Variants in DYNC1I1 observed in about 807,000 individuals in gnomAD.
DYNC1I1 encodes the protein cytoplasmic dynein 1 intermediate chain 1.
In DYNC1I1, 43 loss-of-function variants were observed where a neutral mutation model predicts 86.6. That is an observed-to-expected ratio of 0.50 (90% CI 0.39 to 0.64). The LOEUF (loss-of-function observed/expected upper bound fraction) is 0.64. DYNC1I1 is among the 30% of genes least tolerant of loss of function. The pLI, the probability that DYNC1I1 is intolerant of heterozygous loss-of-function variation, is 0.00. For synonymous variants in DYNC1I1, 262 were observed against 283.7 expected, an observed-to-expected ratio of 0.92 and a Z score of 0.77; for missense variants, 604 against 788.8, an observed-to-expected ratio of 0.77 and a Z score of 2.81.
intron 6 of DYNC1I1, among the ~76,000 whole-genome samples, chr7:95,953,150 C>T (rs959404370): frequency 6.7e-6 from 1 of 149,760 alleles, no homozygotes; most frequent in Admixed American, 6.7e-5. Context: ...ATAAAACAGA[C>T]AAGTGTCCCT....
intron 1 of DYNC1I1, among the ~76,000 whole-genome samples, chr7:95,790,888 C>T (rs1176894904): frequency 6.6e-6 from 1 of 152,178 alleles, no homozygotes; most frequent in Non-Finnish European, 1.5e-5. Flanking sequence ...GGCCTCTTCT[C>T]TGCATGTGCT....
At position 96,073,129 on chromosome 7, in the gene DYNC1I1, T is replaced by C. The variant is rs116655459; in HGVS notation, c.1510-2928T>C. Among the ~76,000 whole-genome samples, 1,185 of 152,320 alleles carry C rather than the reference T, an allele frequency of 7.8e-3. 17 individuals carry two copies. Among genetic ancestry groups the C allele is most frequent in the African/African-American group, 0.027 (1,131 of 41,572 alleles). ...AAGACTTTCCCAACCTGTGAATTTA[T>C]CAATGTTAAACAGAGCCTTTGAAAA... On this transcript the variant is annotated intron_variant, in intron 14 of 16. Transcript: ENST00000447467.
chr7:95,939,300 A>T (rs956456416), intron 6 of DYNC1I1, among the ~76,000 whole-genome samples: 1 of 152,154 alleles, frequency 6.6e-6, no homozygotes, highest in African/African-American at 2.4e-5. Context: ...AGTTCTGTAG[A>T]TATCTATTAG....
At chr7:96,016,109 T>C (rs1222365801) in intron 10 of DYNC1I1, among the ~76,000 whole-genome samples, 1 of 152,118 alleles carries the variant, frequency 6.6e-6, no homozygotes, top group Non-Finnish European at 1.5e-5. Context: ...CTTCACTTCT[T>C]ATTGTCTTGC....
intron 16 of DYNC1I1, among the ~76,000 whole-genome samples, chr7:96,083,552 A>C (rs911032383): frequency 6.6e-6 from 1 of 152,118 alleles, no homozygotes; most frequent in African/African-American, 2.4e-5. Context: ...ACTGTGCTTA[A>C]AGAGAAGTGC....
intron 6 of DYNC1I1, among the ~76,000 whole-genome samples, chr7:95,947,103 C>T (rs1014528991): frequency 6.6e-6 from 1 of 152,134 alleles, no homozygotes; most frequent in African/African-American, 2.4e-5. Flanking sequence ...ACTAGCTTCT[C>T]TGAGTTGCAA....
intron 6 of DYNC1I1, among the ~76,000 whole-genome samples, chr7:95,877,494 G>A (rs1006451635): frequency 1.3e-5 from 2 of 152,196 alleles, no homozygotes; most frequent in African/African-American, 4.8e-5. Context: ...GAATCTTGGT[G>A]CAAAGATTTT....
At chr7:96,024,253 T>C (rs1336061668) in intron 10 of DYNC1I1, among the ~76,000 whole-genome samples, 1 of 152,114 alleles carries the variant, frequency 6.6e-6, no homozygotes, top group Non-Finnish European at 1.5e-5. Flanking sequence ...AACTACTTGA[T>C]TGGTTTTTCT....
intron 6 of DYNC1I1, among the ~76,000 whole-genome samples, chr7:95,959,826 C>T (rs1260233868): frequency 3.3e-5 from 5 of 152,130 alleles, no homozygotes; most frequent in African/African-American, 1.2e-4. Flanking sequence ...AAGAACAATG[C>T]TTAACACCTA....
intron 5 of DYNC1I1, among the ~76,000 whole-genome samples, chr7:95,829,532 A>G (rs565795466): frequency 6.6e-6 from 1 of 152,248 alleles, no homozygotes; most frequent in East Asian, 1.9e-4. Context: ...ATATTGTGTT[A>G]AAAAAACAGG....
intron 6 of DYNC1I1, among the ~76,000 whole-genome samples, chr7:95,895,226 C>T (rs1790850498): frequency 6.6e-6 from 1 of 152,156 alleles, no homozygotes; most frequent in Non-Finnish European, 1.5e-5. Context: ...CGTCACATGT[C>T]ACAATCCGAT....
chr7:95,826,057 C>A (rs982678402), intron 4 of DYNC1I1, among the ~76,000 whole-genome samples: 1 of 152,200 alleles, frequency 6.6e-6, no homozygotes, highest in Admixed American at 6.5e-5. Context: ...TTCCACAGAG[C>A]AGCAGCATCT....
At chr7:95,868,127 T>C (rs1038686763) in intron 5 of DYNC1I1, among the ~76,000 whole-genome samples, 1 of 152,212 alleles carries the variant, frequency 6.6e-6, no homozygotes, top group African/African-American at 2.4e-5. Flanking sequence ...TGGACTCTCT[T>C]GCATTCTGTG....
chr7:96,093,763 A>C (rs895705308), intron 16 of DYNC1I1, among the ~76,000 whole-genome samples: 1 of 151,958 alleles, frequency 6.6e-6, no homozygotes, highest in African/African-American at 2.4e-5. Context: ...AAATTTTTGA[A>C]GTTTTTTTTT....
intron 16 of DYNC1I1, among the ~76,000 whole-genome samples, chr7:96,108,985 T>C (rs1791263823): frequency 6.6e-6 from 1 of 152,176 alleles, no homozygotes; most frequent in South Asian, 2.1e-4. Context: ...ATTTCATCCA[T>C]GTTGTTTCAT....
intron 6 of DYNC1I1, among the ~76,000 whole-genome samples, chr7:95,941,660 G>A (rs952791789): frequency 2.0e-5 from 3 of 152,180 alleles, no homozygotes; most frequent in Non-Finnish European, 2.9e-5. Flanking sequence ...TTGGAAAAGC[G>A]CAGTCTTGGG....
At chr7:95,880,410 A>C (rs1294653551) in intron 6 of DYNC1I1, among the ~76,000 whole-genome samples, 1 of 152,016 alleles carries the variant, frequency 6.6e-6, no homozygotes, top group East Asian at 1.9e-4. Context: ...TGGATAAACG[A>C]CCCGGGCAGT....
intron 10 of DYNC1I1, among the ~76,000 whole-genome samples, chr7:96,016,969 G>A (rs1270481424): frequency 6.6e-6 from 1 of 152,140 alleles, no homozygotes; most frequent in African/African-American, 2.4e-5. Flanking sequence ...GCCATTCTCA[G>A]AAACCCCAAA....
chr7:96,015,925 A>G (rs1298056558), intron 10 of DYNC1I1, among the ~76,000 whole-genome samples: 1 of 152,180 alleles, frequency 6.6e-6, no homozygotes, highest in Non-Finnish European at 1.5e-5. Context: ...TTAGTACTTC[A>G]AAGTAGCAGT....
Sources: allele counts gnomAD v4.1 joint callset (sites outside exome capture counted in the v4.1 genomes callset), GRCh38; gene constraint gnomAD v4.1.1; transcripts MANE v1.5; gene names NCBI Gene and HGNC (gene_info 2026-07-23, HGNC 2026-07-21).